HDAC9: variants seen among roughly 807,000 people sequenced by gnomAD.
HDAC9 encodes MEF-2 interacting transcription repressor (MITR) protein.
In HDAC9, 41 loss-of-function variants were observed where a neutral mutation model predicts 139.4. The ratio of observed to expected loss-of-function variants is 0.29; its 90% CI spans 0.23 to 0.38. The LOEUF is 0.38. Ranked by LOEUF, HDAC9 falls within the 10% of genes least tolerant of loss-of-function variation. The pLI, the probability that HDAC9 is intolerant of heterozygous loss-of-function variation, is 1.00. For synonymous variants in HDAC9, 517 were observed against 476.2 expected (o/e 1.09, Z -1.12); for missense variants, 1,147 against 1,297.0 (o/e 0.88, Z 1.78).
intron 13 of HDAC9, among the ~76,000 whole-genome samples, chr7:18,734,792 G>T (rs1363642363): frequency 6.6e-6 from 1 of 152,168 alleles, no homozygotes; most frequent in Non-Finnish European, 1.5e-5. Context: ...TCTAGCTCTA[G>T]ATCCTTGAGG....
intron 2 of HDAC9, among the ~76,000 whole-genome samples, chr7:18,243,773 T>A (rs977017749): frequency 2.0e-5 from 3 of 152,172 alleles, no homozygotes; most frequent in South Asian, 2.1e-4. Flanking sequence ...AGTTAAAAAA[T>A]TTATTTTATT....
chr7:18,631,133 C>A (rs917652617), intron 7 of HDAC9, among the ~76,000 whole-genome samples: 5 of 152,042 alleles, frequency 3.3e-5, no homozygotes, highest in African/African-American at 1.2e-4. Context: ...TAGCTCAATA[C>A]CTATCTCAGT....
intron 22 of HDAC9, among the ~76,000 whole-genome samples, chr7:18,882,708 T>C (rs1013294070): frequency 6.6e-6 from 1 of 151,890 alleles, no homozygotes; most frequent in African/African-American, 2.4e-5. Flanking sequence ...ATGTAATAAA[T>C]GATTAGGTTG....
chr7:18,672,359 C>T (rs1298409591), intron 12 of HDAC9, among the ~76,000 whole-genome samples: 1 of 151,986 alleles, frequency 6.6e-6, no homozygotes, highest in Non-Finnish European at 1.5e-5. Context: ...TCATTAGGAG[C>T]AACATCTAGT....
intron 12 of HDAC9, among the ~76,000 whole-genome samples, chr7:18,675,027 A>G (rs1781413287): frequency 6.6e-6 from 1 of 151,982 alleles, no homozygotes; most frequent in Non-Finnish European, 1.5e-5. Flanking sequence ...TATAGTATTA[A>G]TTTTTCTATT....
chr7:18,207,539 C>CTTTTTT lies in HDAC9; in HGVS notation c.25+45203_25+45208dup, dbSNP rs56690120. ...CTCTCACCTCATCTGCCCAAGGAGT[C>CTTTTTT]TTTTTTTTTTTTTTTTTTGATTTGA... On this transcript the variant is annotated intron_variant, in intron 2 of 12. Transcript: ENST00000417496. Among the ~76,000 whole-genome samples the CTTTTTT allele has an allele frequency of 3.0e-4, 16 of 53,736 alleles. 2 individuals carry two copies. Among genetic ancestry groups the CTTTTTT allele is most frequent in the African/African-American group, 7.8e-4 (10 of 12,778 alleles). The allele number at this position is 53,736 out of a possible 152,430, so 35.3% of individuals were successfully genotyped here.
At chr7:18,139,577 T>C (rs1208512352) in intron 1 of HDAC9, among the ~76,000 whole-genome samples, 2 of 152,226 alleles carry the variant, frequency 1.3e-5, no homozygotes, top group Admixed American at 1.3e-4. Context: ...TGTAATATGT[T>C]GGACTGTATG....
In HDAC9 at chr7:18,547,128, A is replaced by G. The variant is rs149538190; in HGVS notation, c.23-38153A>G. 3.3e-5 allele frequency among the ~76,000 whole-genome samples: 5 copies of G among 152,372 alleles called. No individual in the cohort carries two copies. In the East Asian group the frequency reaches 9.6e-4, roughly 29 times the overall value. ...TTATTGCTTAAAATTGCTAATGATC[A>G]TCTTCACTGAGTCACAACCTTTTTT... On this transcript the variant is annotated intron_variant, in intron 2 of 25. Transcript: ENST00000686413.
In HDAC9 at chr7:18,515,985, T is replaced by A. The variant is rs1007860034; in HGVS notation, c.22+19661T>A. On this transcript the variant is annotated intron_variant, in intron 2 of 25. Transcript: ENST00000686413. ...ACTTAAAGGGAAGAAGAACTTCTTT[T>A]CATTCTTCATGATGCTTTTACTAAG... is the stretch of plus-strand genomic sequence containing the variant. Among the ~76,000 whole-genome samples the A allele has an allele frequency of 2.6e-5, 4 of 152,372 alleles. No individual in the cohort carries two copies. In the East Asian group the frequency reaches 7.7e-4, roughly 29 times the overall value.
chr7:18,802,329 T>A (rs565733036), intron 17 of HDAC9, among the ~76,000 whole-genome samples: 1 of 152,096 alleles, frequency 6.6e-6, no homozygotes, highest in Admixed American at 6.5e-5. Flanking sequence ...TAGTCACAAT[T>A]TTTGTTATTG....
At chr7:18,451,239 C>G (rs1792792590) in intron 1 of HDAC9, among the ~76,000 whole-genome samples, 1 of 152,030 alleles carries the variant, frequency 6.6e-6, no homozygotes, top group Admixed American at 6.6e-5. Flanking sequence ...CATAAATATG[C>G]TAGCCCCTCG....
chr7:18,091,945 G>A lies in HDAC9; in HGVS notation c.-97+4732G>A, dbSNP rs145860285. Among the ~76,000 whole-genome samples the A allele has an allele frequency of 5.3e-5, 8 of 152,268 alleles. No individual in the cohort carries two copies. In the East Asian group the frequency reaches 1.5e-3, roughly 29 times the overall value. On this transcript the variant is annotated intron_variant, in intron 1 of 12. Transcript: ENST00000417496. ...ATGGCATCTTACTTTTTTAAAGCTAGCAAGGAAGTCTCTCTTGCTCCAGTC... is the reference window on the plus strand; with the variant it reads ...ATGGCATCTTACTTTTTTAAAGCTAACAAGGAAGTCTCTCTTGCTCCAGTC...
At chr7:18,471,635 A>G (rs1308485087) in intron 1 of HDAC9, among the ~76,000 whole-genome samples, 1 of 152,212 alleles carries the variant, frequency 6.6e-6, no homozygotes, top group Non-Finnish European at 1.5e-5. Flanking sequence ...ATGCTACCCA[A>G]CATAACTCAG....
At chr7:18,200,240 A>G (rs1299655521) in intron 2 of HDAC9, among the ~76,000 whole-genome samples, 1 of 152,252 alleles carries the variant, frequency 6.6e-6, no homozygotes, top group Non-Finnish European at 1.5e-5. Flanking sequence ...AATTTCCAGG[A>G]AGAATTAAAA....
chr7:18,241,749 C>T (rs568214659), intron 2 of HDAC9, among the ~76,000 whole-genome samples: 7 of 152,198 alleles, frequency 4.6e-5, no homozygotes, highest in African/African-American at 1.4e-4. Flanking sequence ...TGTGGTTATA[C>T]ATATGGTGGG....
At chr7:18,119,245 A>G (rs1160796949) in intron 1 of HDAC9, among the ~76,000 whole-genome samples, 1 of 152,154 alleles carries the variant, frequency 6.6e-6, no homozygotes, top group East Asian at 1.9e-4. Flanking sequence ...GCTCCATGCT[A>G]TTTCCTTGCA....
chr7:18,187,895 A>G (rs1284818868), intron 2 of HDAC9, among the ~76,000 whole-genome samples: 2 of 152,182 alleles, frequency 1.3e-5, no homozygotes, highest in East Asian at 1.9e-4. Context: ...CATGTTTCCC[A>G]GGCTTGTCTG....
At chr7:18,257,199 G>T (rs895377450) in intron 2 of HDAC9, among the ~76,000 whole-genome samples, 1 of 151,084 alleles carries the variant, frequency 6.6e-6, no homozygotes, top group Non-Finnish European at 1.5e-5. Context: ...ATTGGGTCAG[G>T]TGTGGTGGTT....
intron 11 of HDAC9, among the ~76,000 whole-genome samples, chr7:18,649,936 A>G (rs938742047): frequency 1.3e-5 from 2 of 152,150 alleles, no homozygotes; most frequent in African/African-American, 4.8e-5. Context: ...TTTAGTATGC[A>G]TTGCAGACCC....
Sources: gnomAD v4.1 joint callset for allele counts (sites outside exome capture counted in the v4.1 genomes callset) on GRCh38, gnomAD v4.1.1 for gene constraint, MANE v1.5 for transcripts, NCBI Gene and HGNC (gene_info 2026-07-23, HGNC 2026-07-21) for gene names.